COL19A1: variants seen among roughly 807,000 people sequenced by gnomAD.
COL19A1 encodes the protein collagen type XIX alpha 1 chain, also known as collagen alpha-1(XIX) chain.
Under a neutral mutation model 190.2 loss-of-function variants are expected in COL19A1, and 159 were observed. That is an observed-to-expected ratio of 0.84 (90% CI 0.73 to 0.95). The LOEUF is 0.95. Ranked by LOEUF, COL19A1 falls within the 40% of genes least tolerant of loss-of-function variation. The probability of loss-of-function intolerance (pLI) is 0.00; values close to 1 mark genes in which losing one functional copy is unlikely to be tolerated. For synonymous variants in COL19A1, 509 were observed against 458.9 expected (o/e 1.11, Z -1.39); for missense variants, 1,418 against 1,431.9 (o/e 0.99, Z 0.16).
intron 18 of COL19A1, among the ~76,000 whole-genome samples, chr6:70,132,411 C>G (rs1785578876): frequency 6.6e-6 from 1 of 152,110 alleles, no homozygotes. Flanking sequence ...AACAACCAAC[C>G]AAACACAAAC....
chr6:70,045,653 T>A (rs1203879413), intron 14 of COL19A1, among the ~76,000 whole-genome samples: 1 of 152,200 alleles, frequency 6.6e-6, no homozygotes, highest in Non-Finnish European at 1.5e-5. Context: ...ACTGTGTATG[T>A]TTGGTTAGGA....
intron 9 of COL19A1, 71 bp from the exon 10 acceptor site, chr6:69,959,925 A>G: frequency 7.0e-7 from 1 of 1,435,604 alleles, no homozygotes; most frequent in East Asian, 2.3e-5. Context: ...GCTATTTGTT[A>G]AAGACCACAA....
chr6:70,130,156 T>C (rs1785434825), intron 17 of COL19A1, 26 bp from the exon 18 acceptor site: 4 of 1,610,062 alleles, frequency 2.5e-6, no homozygotes, highest in Non-Finnish European at 3.4e-6. Flanking sequence ...TTTTCTTTTG[T>C]ATTTTAAATT....
chr6:69,937,005 A>T (rs1773156712), intron 8 of COL19A1, 95 bp downstream of exon 8: 1 of 1,508,318 alleles, frequency 6.6e-7, no homozygotes, highest in Non-Finnish European at 9.0e-7. Flanking sequence ...GTGTCTTGCC[A>T]TTCAGTGTTT....
chr6:70,090,238 G>T (rs190362521), intron 15 of COL19A1, among the ~76,000 whole-genome samples: 5 of 152,134 alleles, frequency 3.3e-5, no homozygotes, highest in South Asian at 2.1e-4. Context: ...TCAGCTGTTT[G>T]TATCTGTGGG....
At position 69,951,323 on chromosome 6, in the gene COL19A1, G is replaced by A. The variant is rs1157860048; in HGVS notation, c.937-8673G>A. ...TAGCTTTATCTTAAGGATTAAATAA[G>A]ATTATTCATAAAAGTGTCAGCACCT... On this transcript the variant is annotated intron_variant, in intron 9 of 50. Transcript: ENST00000620364. Among the ~76,000 whole-genome samples, 3 of 151,842 alleles carry A rather than the reference G, an allele frequency of 2.0e-5. No individual in the cohort carries two copies. The East Asian group carries it at 5.8e-4, about 29-fold the overall frequency.
At chr6:69,903,031 G>A (rs1262542669) in intron 4 of COL19A1, among the ~76,000 whole-genome samples, 1 of 152,184 alleles carries the variant, frequency 6.6e-6, no homozygotes, top group Non-Finnish European at 1.5e-5. Context: ...ACATGGGTCA[G>A]TGACTAACTA....
At chr6:69,915,934 CT>C (rs10707834) in intron 4 of COL19A1, among the ~76,000 whole-genome samples, 23,039 of 110,930 alleles carry the variant, frequency 0.21, 2,222 homozygotes, top group African/African-American at 0.32. Context: ...CTCATCTCAT[CT>C]TTTTTTTTTT....
intron 2 of COL19A1, among the ~76,000 whole-genome samples, chr6:69,896,125 C>A (rs1582315335): frequency 6.6e-6 from 1 of 151,976 alleles, no homozygotes; most frequent in East Asian, 1.9e-4. Flanking sequence ...CTCATCAACG[C>A]TTGACTGCCA....
chr6:70,152,431 A>G (rs1229377823), intron 31 of COL19A1, among the ~76,000 whole-genome samples: 2 of 152,138 alleles, frequency 1.3e-5, no homozygotes, highest in Non-Finnish European at 2.9e-5. Flanking sequence ...ATATATAAAC[A>G]TAAGTGTAAA....
chr6:70,130,457 C>G (rs1431029756), intron 18 of COL19A1, among the ~76,000 whole-genome samples: 1 of 152,194 alleles, frequency 6.6e-6, no homozygotes, highest in Non-Finnish European at 1.5e-5. Context: ...GACTCCTGAC[C>G]TCAGGTGATC....
At chr6:70,057,582 T>G (rs1424733185) in intron 14 of COL19A1, among the ~76,000 whole-genome samples, 1 of 152,084 alleles carries the variant, frequency 6.6e-6, no homozygotes, top group Non-Finnish European at 1.5e-5. Flanking sequence ...TATAGATACT[T>G]TAATCTCTTC....
At chr6:70,198,916 T>A (rs1377257279) in intron 48 of COL19A1, among the ~76,000 whole-genome samples, 2 of 152,178 alleles carry the variant, frequency 1.3e-5, no homozygotes, top group Non-Finnish European at 2.9e-5. Context: ...ATGATCTGCT[T>A]CCAAGTTCAT....
intron 15 of COL19A1, among the ~76,000 whole-genome samples, chr6:70,071,494 A>G (rs1357159819): frequency 6.6e-6 from 1 of 152,176 alleles, no homozygotes; most frequent in Non-Finnish European, 1.5e-5. Flanking sequence ...GACAATATGT[A>G]TCTGAAATTT....
chr6:69,866,876 T>C (rs1331144061), intron 1 of COL19A1, among the ~76,000 whole-genome samples: 1 of 152,206 alleles, frequency 6.6e-6, no homozygotes, highest in African/African-American at 2.4e-5. Context: ...CACTCTCATG[T>C]GGTACATACC....
chr6:69,929,550 C>T lies in COL19A1; in HGVS notation c.516C>T (p.His172=), dbSNP rs942718234. Residue 172 remains histidine, a synonymous_variant, in exon 6 of 51, where the codon CAC becomes CAT. Coordinates refer to ENST00000620364, the MANE Select transcript of COL19A1 (RefSeq NM_001858.6). ...ELRPLFDRQW[H]KLGISIQSQV... Reference sequence around the variant, plus strand: ...GTCCTTTGTTTGATCGTCAGTGGCACAAACTTGGCATTAGTATACAATCCC... The same window carrying T: ...GTCCTTTGTTTGATCGTCAGTGGCATAAACTTGGCATTAGTATACAATCCC... 1 of 1,613,858 alleles carries T rather than the reference C, an allele frequency of 6.2e-7. No individual in the cohort carries two copies. The highest frequency in any genetic ancestry group is 1.3e-5 in the African/African-American group (1 of 74,896).
chr6:69,923,922 T>C (rs891158997), intron 4 of COL19A1, among the ~76,000 whole-genome samples: 20 of 152,316 alleles, frequency 1.3e-4, no homozygotes, highest in African/African-American at 4.8e-4. Context: ...AGTTGACTAC[T>C]AAGCTAAATG....
Position 70,135,880 on chromosome 6 carries a change from G to A in COL19A1, c.1384-1805G>A, listed in dbSNP as rs553806307. On this transcript the variant is annotated intron_variant, in intron 18 of 50. Transcript: ENST00000620364. ...TGCTTCTGAAAGAGTTCAGGTTCTG[G>A]TCATGTCCCGGTCTTCTTGGTTCCA... Among the ~76,000 whole-genome samples the A allele has an allele frequency of 4.6e-5, 7 of 152,232 alleles. No individual in the cohort carries two copies. In the South Asian group the frequency reaches 1.2e-3, roughly 27 times the overall value.
intron 27 of COL19A1, among the ~76,000 whole-genome samples, chr6:70,148,251 A>T (rs555535723): frequency 5.3e-5 from 8 of 152,012 alleles, no homozygotes; most frequent in Admixed American, 5.2e-4. Flanking sequence ...CTTTCTGGTG[A>T]TCAGCTCCTA....
Sources: gnomAD v4.1 joint callset for allele counts (sites outside exome capture counted in the v4.1 genomes callset) on GRCh38, gnomAD v4.1.1 for gene constraint, MANE v1.5 for transcripts, NCBI Gene and HGNC (gene_info 2026-07-23, HGNC 2026-07-21) for gene names.